Variants in PSD4 observed in about 807,000 individuals in gnomAD.
The protein encoded by PSD4 is PH and SEC7 domain-containing protein 4.
PSD4 carries 59 observed loss-of-function variants against 112.5 expected under a neutral mutation model. That is an observed-to-expected ratio of 0.52 (90% confidence interval 0.43 to 0.65). The LOEUF is 0.65. Ranked by LOEUF, PSD4 falls within the 30% of genes least tolerant of loss-of-function variation. The probability of loss-of-function intolerance (pLI) is 0.00; values close to 1 mark genes in which losing one functional copy is unlikely to be tolerated. For missense variants in PSD4, 1,267 were observed against 1,352.6 expected, an observed-to-expected ratio of 0.94 and a Z score of 0.99; for synonymous variants, 533 against 540.0, an observed-to-expected ratio of 0.99 and a Z score of 0.18.
At chr2:113,192,977 GGGGCCCCAGTGCAT>G (rs1688496759) in intron 6 of PSD4, 57 bp from the exon 7 acceptor site, 1 of 1,489,962 alleles carries the variant, frequency 6.7e-7, no homozygotes, top group African/African-American at 1.4e-5. Flanking sequence ...GCAGGCCCTG[GGGGCCCCAGTGCAT>G]CTGCAGCCCC....
In PSD4 at chr2:113,185,030, T is replaced by C; in HGVS notation, c.1130T>C (p.Val377Ala). 2.5e-6 allele frequency: 4 copies of C among 1,614,262 alleles called. No individual in the cohort carries two copies. The highest frequency in any genetic ancestry group is 3.4e-6 in the Non-Finnish European group (4 of 1,180,050). Residue 377 changes from valine (V) to alanine (A), a missense_variant, in exon 3 of 17, where the codon GTC (valine) becomes GCC (alanine). Coordinates refer to ENST00000245796, the MANE Select transcript of PSD4 (RefSeq NM_012455.3). The part of the protein sequence containing the change: ...DEALTWESGC[V>A]GSDLGPAAHP... ...GCATTGACCTGGGAATCAGGATGTGTCGGATCTGATCTTGGCCCTGCTGCA... is the reference window on the plus strand; with the variant it reads ...GCATTGACCTGGGAATCAGGATGTGCCGGATCTGATCTTGGCCCTGCTGCA...
chr2:113,187,188 C>T lies in PSD4; in HGVS notation c.1628+933C>T, dbSNP rs562373929. On this transcript the variant is annotated intron_variant, in intron 5 of 16. Transcript: ENST00000245796. Reference sequence around the variant, plus strand: ...TCATGCAAGGTCTCCAGGTCTGGGGCCCTGCGCTTCCTCAGGTAAAGCACA... The same window carrying T: ...TCATGCAAGGTCTCCAGGTCTGGGGTCCTGCGCTTCCTCAGGTAAAGCACA... 5.3e-4 allele frequency among the ~76,000 whole-genome samples: 81 copies of T among 152,270 alleles called. 1 individual carries two copies. The Middle Eastern group carries it at 0.014, about 26-fold the overall frequency.
chr2:113,187,194 G>A (rs1329275624), intron 5 of PSD4, among the ~76,000 whole-genome samples: 4 of 152,190 alleles, frequency 2.6e-5, no homozygotes, highest in South Asian at 4.1e-4. Flanking sequence ...GGGGCCCTGC[G>A]CTTCCTCAGG....
chr2:113,185,138 C>G, intron 3 of PSD4, 65 bp downstream of exon 3: 1 of 1,608,824 alleles, frequency 6.2e-7, no homozygotes, highest in East Asian at 2.2e-5. Context: ...TGAGCCCATT[C>G]ATTTCCAGGG....
At position 113,203,308 on chromosome 2, in the gene PSD4, GAC is replaced by G. The variant is rs1688817132; in HGVS notation, c.*1897_*1898del. 1 of 152,194 alleles carries G rather than the reference GAC, an allele frequency of 6.6e-6. No individual in the cohort carries two copies. Among genetic ancestry groups the G allele is most frequent in the Non-Finnish European group, 1.5e-5 (1 of 68,028 alleles). The allele number at this position is 152,194 out of a possible 1,614,324, so 9.4% of individuals were successfully genotyped here. A position where few individuals can be genotyped will look rare whatever the true frequency, so the allele number is the denominator to read the frequency against. ...TCTTGCTGGGGAAGTGTGCTGAAAA[GAC>G]ACATTCCCAGCCCACACCCAGGGAT... is the stretch of plus-strand genomic sequence containing the variant. On this transcript the variant is annotated 3_prime_UTR_variant, in exon 17 of 17. Transcript: ENST00000245796.
At chr2:113,201,046 G>A (rs1017230854) in intron 16 of PSD4, 112 bp from the exon 17 acceptor site, 4 of 1,417,350 alleles carry the variant, frequency 2.8e-6, no homozygotes, top group South Asian at 2.7e-5. Flanking sequence ...TCTTTCTGTC[G>A]AGGTCTGTAT....
Position 113,192,241 on chromosome 2 carries a change from G to A in PSD4, c.1629-139G>A, listed in dbSNP as rs1246628931. 3.7e-6 allele frequency: 3 copies of A among 810,490 alleles called. No homozygotes were observed. The African/African-American group carries it at 5.1e-5, about 14-fold the overall frequency. 50.2% of individuals were successfully genotyped at this position (810,490 alleles called of 1,614,324 possible). ...GGCCAGGCTAAGTCAGTCTGGCTGT[G>A]ACTCTGTCTCTTCCCTGAGTAAGGG... On this transcript the variant is annotated intron_variant, in intron 5 of 16. Coordinates refer to ENST00000245796, the MANE Select transcript of PSD4 (RefSeq NM_012455.3).
At chr2:113,199,016 C>A in intron 15 of PSD4, 67 bp from the exon 16 acceptor site, 2 of 1,508,296 alleles carry the variant, frequency 1.3e-6, no homozygotes, top group South Asian at 1.2e-5. Context: ...GGGGGCGGCG[C>A]GCCCGGGCCC....
At chr2:113,186,611 G>A (rs1688307647) in intron 5 of PSD4, among the ~76,000 whole-genome samples, 1 of 152,218 alleles carries the variant, frequency 6.6e-6, no homozygotes, top group Non-Finnish European at 1.5e-5. Context: ...CATGCTGGCA[G>A]GCCAGGGAAG....
chr2:113,193,913 A>G lies in PSD4; in HGVS notation c.2146A>G (p.Arg716Gly). The change falls in exon 10 of 17, where the codon AGG becomes GGG. Residue 716 changes from arginine to glycine, a missense_variant. Around this residue, in one of 2 missense-constraint regions of PSD4, gnomAD observed 544 missense variants for 648.6 expected, o/e 0.84. Coordinates refer to ENST00000245796, the MANE Select transcript of PSD4 (RefSeq NM_012455.3). ...ATTCATAACCAACCTGAATGGGCTG[A>G]GGGATGGCGGGAACTTCCCCAAGGA... ...QEFITNLNGL[R>G]DGGNFPKELL... 3.1e-6 allele frequency: 5 copies of G among 1,614,130 alleles called. No homozygotes were observed. The highest frequency in any genetic ancestry group is 4.2e-6 in the Non-Finnish European group (5 of 1,180,020).
rs74532573 is a variant in PSD4, at chr2:113,178,951, A to G, written c.-111-3395A>G. ...AGTTGAGTAGAGCTAGGGATGTCCTATGTTCTGGTACCTGTAAACCAGGTG... is the reference window on the plus strand; with the variant it reads ...AGTTGAGTAGAGCTAGGGATGTCCTGTGTTCTGGTACCTGTAAACCAGGTG... On this transcript the variant is annotated intron_variant, in intron 1 of 16. Transcript: ENST00000245796. Among the ~76,000 whole-genome samples the G allele has an allele frequency of 9.2e-5, 14 of 152,216 alleles. No homozygotes were observed. The East Asian group carries it at 2.3e-3, about 25-fold the overall frequency.
intron 6 of PSD4, 40 bp downstream of exon 6, chr2:113,192,629 C>T (rs774425705): frequency 1.1e-5 from 18 of 1,600,334 alleles, no homozygotes; most frequent in Non-Finnish European, 1.5e-5. Flanking sequence ...GAGGCTGAGG[C>T]AGCCAGGGAG....
At chr2:113,191,718 G>A (rs530657754) in intron 5 of PSD4, among the ~76,000 whole-genome samples, 1 of 152,220 alleles carries the variant, frequency 6.6e-6, no homozygotes, top group African/African-American at 2.4e-5. Context: ...GTTTAGATTG[G>A]ATTGAGTGAC....
chr2:113,209,273 TTTA>T lies in PSD4; in HGVS notation c.*7861_*7863del, dbSNP rs1688908114. 1 of 152,232 alleles carries T rather than the reference TTTA, an allele frequency of 6.6e-6. No homozygotes were observed. Among genetic ancestry groups the T allele is most frequent in the Non-Finnish European group, 1.5e-5 (1 of 68,046 alleles). The allele number at this position is 152,232 out of a possible 1,614,324, so 9.4% of individuals were successfully genotyped here. A position where few individuals can be genotyped will look rare whatever the true frequency, so the allele number is the denominator to read the frequency against. On this transcript the variant is annotated 3_prime_UTR_variant, in exon 17 of 17. Transcript: ENST00000245796. ...TGGCATAGTTTCTGTGGTCTGATGC[TTTA>T]TTTTTTATTGCATTTTACTAATTTA...
chr2:113,182,895 A>G lies in PSD4; in HGVS notation c.439A>G (p.Asn147Asp). The G allele has an allele frequency of 6.2e-7, 1 of 1,614,236 alleles. No individual in the cohort carries two copies. Among genetic ancestry groups the G allele is most frequent in the Non-Finnish European group, 8.5e-7 (1 of 1,180,032 alleles). Residue 147 changes from asparagine to aspartate, a missense_variant, in exon 2 of 17, where the codon AAC becomes GAC. Physicochemically the swap from Asn to Asp is conservative, Grantham distance 23 (BLOSUM62 1). Transcript: ENST00000245796. ...NSHLPGSPKQ[N>D]RSTSTQVVFW... ...CCATCTACCGGGGAGCCCAAAGCAGAACCGGAGCACGTCCACACAGGTAGT... is the reference window on the plus strand; with the variant it reads ...CCATCTACCGGGGAGCCCAAAGCAGGACCGGAGCACGTCCACACAGGTAGT...
At chr2:113,185,580 T>C in intron 4 of PSD4, 140 bp downstream of exon 4, 1 of 1,562,816 alleles carries the variant, frequency 6.4e-7, no homozygotes, top group Non-Finnish European at 8.7e-7. Context: ...AGACTTGGGG[T>C]TAAATCCTGC....
intron 10 of PSD4, among the ~76,000 whole-genome samples, chr2:113,195,254 G>A (rs1025782724): frequency 4.6e-5 from 7 of 151,628 alleles, no homozygotes; most frequent in Non-Finnish European, 1.0e-4. Context: ...TCCGCCTCCC[G>A]GGTTCAAGCA....
At chr2:113,180,972 C>A (rs1688117739) in intron 1 of PSD4, among the ~76,000 whole-genome samples, 1 of 151,900 alleles carries the variant, frequency 6.6e-6, no homozygotes, top group Non-Finnish European at 1.5e-5. Flanking sequence ...AATCCCACCA[C>A]TTTGGGAGGC....
chr2:113,182,970 G>A lies in PSD4; in HGVS notation c.514G>A (p.Glu172Lys), dbSNP rs771922517. 5 of 1,614,098 alleles carry A rather than the reference G, an allele frequency of 3.1e-6. No individual in the cohort carries two copies. The highest frequency in any genetic ancestry group is 3.4e-6 in the Non-Finnish European group (4 of 1,180,048). ...CCAGATGTGTGTCCTAGACCTGGAG[G>A]AGGAGCTGGAGAAGACGGAAGGGCT... is the stretch of plus-strand genomic sequence containing the variant. ...QAQMCVLDLE[E>K]ELEKTEGLKA... The change falls in exon 2 of 17, where the codon GAG becomes AAG. Residue 172 changes from glutamate (E) to lysine (K), a missense_variant. Around this residue, in one of 2 missense-constraint regions of PSD4, gnomAD observed 723 missense variants for 704.0 expected, o/e 1.03. Coordinates refer to ENST00000245796, the MANE Select transcript of PSD4 (RefSeq NM_012455.3).
Sources: allele counts gnomAD v4.1 joint callset (sites outside exome capture counted in the v4.1 genomes callset), GRCh38; gene constraint gnomAD v4.1.1; regional missense constraint gnomAD v4.1.1; transcripts MANE v1.5; gene names NCBI Gene and HGNC (gene_info 2026-07-23, HGNC 2026-07-21).